The following DEPDC1B variants were observed in gnomAD, a reference collection of about 807,000 sequenced individuals.
DEPDC1B encodes the protein DEP domain-containing protein 1B.
DEPDC1B carries 51 observed loss-of-function variants against 66.5 expected under a neutral mutation model. The ratio of observed to expected loss-of-function variants is 0.77; its 90% CI spans 0.61 to 0.97. The LOEUF (loss-of-function observed/expected upper bound fraction) is 0.97. Among genes scored for constraint, DEPDC1B ranks in the 50% least tolerant of loss-of-function variants. The probability of loss-of-function intolerance (pLI) is 0.00; values close to 1 mark genes in which losing one functional copy is unlikely to be tolerated. For missense variants in DEPDC1B, 552 were observed against 637.1 expected (o/e 0.87, Z 1.44); for synonymous variants, 226 against 223.6 (o/e 1.01, Z -0.10).
chr5:60,606,467 T>C (rs1425313301), intron 7 of DEPDC1B, among the ~76,000 whole-genome samples: 1 of 151,928 alleles, frequency 6.6e-6, no homozygotes, highest in Non-Finnish European at 1.5e-5. Flanking sequence ...TCAGGTATGA[T>C]TTTGCTAAAA....
intron 2 of DEPDC1B, among the ~76,000 whole-genome samples, chr5:60,673,689 T>C (rs1271631907): frequency 6.6e-6 from 1 of 152,242 alleles, no homozygotes; most frequent in East Asian, 1.9e-4. Context: ...AAATCTAGTC[T>C]TAACAACCAA....
At chr5:60,616,734 C>T (rs1752564419) in intron 7 of DEPDC1B, among the ~76,000 whole-genome samples, 1 of 152,186 alleles carries the variant, frequency 6.6e-6, no homozygotes, top group Non-Finnish European at 1.5e-5. Context: ...TCCAGGAGAA[C>T]TTCTCCAATC....
intron 5 of DEPDC1B, 127 bp from the exon 6 acceptor site, chr5:60,642,986 A>G: frequency 1.5e-6 from 1 of 651,824 alleles, no homozygotes; most frequent in Non-Finnish European, 2.6e-6. Flanking sequence ...CAAATCACCA[A>G]TTTATGTTAT....
intron 1 of DEPDC1B, chr5:60,688,956 C>T (rs1754484667): frequency 2.2e-6 from 1 of 450,564 alleles, no homozygotes; most frequent in African/African-American, 2.0e-5. Context: ...CATACTAACT[C>T]ACTGTAATAC....
chr5:60,612,342 G>A (rs1183580597), intron 7 of DEPDC1B, among the ~76,000 whole-genome samples: 1 of 151,442 alleles, frequency 6.6e-6, no homozygotes, highest in African/African-American at 2.4e-5. Flanking sequence ...AGAATTGCTT[G>A]AGCCCAGGAA....
At chr5:60,619,889 AT>A (rs1230873295) in intron 7 of DEPDC1B, among the ~76,000 whole-genome samples, 1 of 152,230 alleles carries the variant, frequency 6.6e-6, no homozygotes, top group African/African-American at 2.4e-5. Context: ...ACTTCAAACT[AT>A]ACTACAAGGC....
chr5:60,698,678 T>G (rs574703744), intron 1 of DEPDC1B, among the ~76,000 whole-genome samples: 1 of 151,970 alleles, frequency 6.6e-6, no homozygotes, highest in African/African-American at 2.4e-5. Context: ...TATTTTTTTT[T>G]TTTTTTGAGA....
chr5:60,617,310 G>A (rs925586154), intron 7 of DEPDC1B, among the ~76,000 whole-genome samples: 3 of 152,142 alleles, frequency 2.0e-5, no homozygotes, highest in Non-Finnish European at 2.9e-5. Flanking sequence ...ATGTAAATGG[G>A]CTAAATGCTC....
rs537456176 is a variant in DEPDC1B at position 60,673,463 on chromosome 5, A to C, written c.314+13499T>G. Among the ~76,000 whole-genome samples the C allele has an allele frequency of 3.9e-5, 6 of 152,290 alleles. No homozygotes were observed. In the South Asian group the frequency reaches 1.0e-3, roughly 26 times the overall value. ...GTGAGGATCTAATTAACAGAGACCCAAAAACACAAAACTGAGCTAAGAAGC... is the reference window on the plus strand; with the variant it reads ...GTGAGGATCTAATTAACAGAGACCCCAAAACACAAAACTGAGCTAAGAAGC... On this transcript the variant is annotated intron_variant, in intron 2 of 10. Transcript: ENST00000265036.
chr5:60,614,614 TTAAA>T (rs1463123432), intron 7 of DEPDC1B, among the ~76,000 whole-genome samples: 2 of 152,270 alleles, frequency 1.3e-5, no homozygotes, highest in Non-Finnish European at 2.9e-5. Flanking sequence ...AATATGTTTA[TTAAA>T]TAATGTTGTA....
chr5:60,626,525 T>C (rs1752811766), intron 7 of DEPDC1B, among the ~76,000 whole-genome samples: 1 of 152,208 alleles, frequency 6.6e-6, no homozygotes, highest in Non-Finnish European at 1.5e-5. Context: ...AGTGCCATTT[T>C]ATAGTCCCAC....
chr5:60,685,910 G>T (rs1030916841), intron 2 of DEPDC1B, among the ~76,000 whole-genome samples: 2 of 152,094 alleles, frequency 1.3e-5, no homozygotes, highest in African/African-American at 4.8e-5. Flanking sequence ...ACCACCAAGT[G>T]GACAGATGAC....
At chr5:60,618,266 A>G (rs1461511635) in intron 7 of DEPDC1B, among the ~76,000 whole-genome samples, 1 of 152,186 alleles carries the variant, frequency 6.6e-6, no homozygotes, top group African/African-American at 2.4e-5. Flanking sequence ...AAGCCAACAG[A>G]AGGCAAGAAA....
intron 1 of DEPDC1B, among the ~76,000 whole-genome samples, chr5:60,689,479 C>T (rs1754495685): frequency 6.6e-6 from 1 of 152,160 alleles, no homozygotes; most frequent in Admixed American, 6.5e-5. Context: ...CAAATCTACC[C>T]AGCTAATAAG....
At chr5:60,629,151 C>A (rs1752868437) in intron 7 of DEPDC1B, among the ~76,000 whole-genome samples, 1 of 152,190 alleles carries the variant, frequency 6.6e-6, no homozygotes, top group African/African-American at 2.4e-5. Context: ...ACATTGTCCA[C>A]CATGTTGCTG....
intron 2 of DEPDC1B, among the ~76,000 whole-genome samples, chr5:60,662,585 T>C (rs1753744714): frequency 6.6e-6 from 1 of 152,086 alleles, no homozygotes; most frequent in African/African-American, 2.4e-5. Context: ...CAGGGAAAGG[T>C]TGAGCAAATC....
At chr5:60,616,320 G>A (rs547712993) in intron 7 of DEPDC1B, among the ~76,000 whole-genome samples, 4 of 152,136 alleles carry the variant, frequency 2.6e-5, no homozygotes, top group African/African-American at 7.2e-5. Flanking sequence ...GAGAGCAGAA[G>A]GCTTCAGATG....
intron 7 of DEPDC1B, among the ~76,000 whole-genome samples, chr5:60,634,699 T>C (rs1753003061): frequency 6.6e-6 from 1 of 150,576 alleles, no homozygotes; most frequent in Non-Finnish European, 1.5e-5. Flanking sequence ...AATAAATAAA[T>C]AAATATAAAA....
At position 60,607,716 on chromosome 5, in the gene DEPDC1B, C is replaced by T. The variant is rs201808565; in HGVS notation, c.899-1860G>A. Among the ~76,000 whole-genome samples, 22 of 152,254 alleles carry T rather than the reference C, an allele frequency of 1.4e-4. No individual in the cohort carries two copies. In the East Asian group the frequency reaches 4.2e-3, roughly 29 times the overall value. ...CTTCTATCATTTTCAGGAAGGCCCT[C>T]TCTAAGGAGGTAACATGTGAGCAGA... On this transcript the variant is annotated intron_variant, in intron 7 of 10. Coordinates refer to ENST00000265036, the MANE Select transcript of DEPDC1B (RefSeq NM_018369.3).
Sources: allele counts gnomAD v4.1 joint callset (sites outside exome capture counted in the v4.1 genomes callset), GRCh38; gene constraint gnomAD v4.1.1; transcripts MANE v1.5; gene names NCBI Gene and HGNC (gene_info 2026-07-23, HGNC 2026-07-21).